NAV2: variants seen among roughly 807,000 people sequenced by gnomAD.
NAV2 encodes helicase, APC down-regulated 1.
Under a neutral mutation model 223.2 loss-of-function variants are expected in NAV2, and 54 were observed. The observed-to-expected ratio is 0.24, with a 90% CI of 0.19 to 0.30. The LOEUF is 0.30. Ranked by LOEUF, NAV2 falls within the 10% of genes least tolerant of loss-of-function variation. The pLI, the probability that NAV2 is intolerant of heterozygous loss-of-function variation, is 1.00. For synonymous variants in NAV2, 1,279 were observed against 1,239.3 expected, an observed-to-expected ratio of 1.03 and a Z score of -0.67; for missense variants, 2,806 against 3,147.5, an observed-to-expected ratio of 0.89 and a Z score of 2.60.
intron 1 of NAV2, among the ~76,000 whole-genome samples, chr11:19,616,338 G>A (rs1299568292): frequency 2.7e-4 from 40 of 145,860 alleles, no homozygotes; most frequent in South Asian, 6.9e-4. Flanking sequence ...GTGTGTGTGC[G>A]CGCGCATGAT....
intron 1 of NAV2, among the ~76,000 whole-genome samples, chr11:19,627,647 A>T (rs928041650): frequency 6.6e-6 from 1 of 152,140 alleles, no homozygotes; most frequent in African/African-American, 2.4e-5. Context: ...CCTTTGCCAC[A>T]GTTACAGTCT....
intron 1 of NAV2, among the ~76,000 whole-genome samples, chr11:19,812,081 A>G (rs1047697767): frequency 1.3e-5 from 2 of 152,168 alleles, no homozygotes; most frequent in African/African-American, 4.8e-5. Flanking sequence ...GAAAAAAGGC[A>G]ATCTCAAGAG....
At chr11:19,891,291 G>A (rs887244386) in intron 5 of NAV2, among the ~76,000 whole-genome samples, 1 of 152,166 alleles carries the variant, frequency 6.6e-6, no homozygotes, top group African/African-American at 2.4e-5. Context: ...ACACAGCTAA[G>A]TGGATTTCAA....
intron 1 of NAV2, among the ~76,000 whole-genome samples, chr11:19,442,172 G>A (rs907541959): frequency 6.6e-6 from 1 of 152,198 alleles, no homozygotes; most frequent in African/African-American, 2.4e-5. Context: ...CCCTGGGGAG[G>A]GGAGACTGTG....
At chr11:19,983,258 A>G (rs2050457184) in intron 10 of NAV2, among the ~76,000 whole-genome samples, 1 of 152,214 alleles carries the variant, frequency 6.6e-6, no homozygotes, top group South Asian at 2.1e-4. Flanking sequence ...CTAAGCTTTC[A>G]GGAACTTGTC....
At position 19,944,830 on chromosome 11, in the gene NAV2, G is replaced by A. The variant is rs186461560; in HGVS notation, c.2147-1571G>A. Reference sequence around the variant, plus strand: ...TCTTTTCTTTCTTCCTTGCTTGCTTGCTTTCTTGCCTTCTTGTCTTTCTGT... The same window carrying A: ...TCTTTTCTTTCTTCCTTGCTTGCTTACTTTCTTGCCTTCTTGTCTTTCTGT... On this transcript the variant is annotated intron_variant, in intron 8 of 37. Coordinates refer to ENST00000349880, the MANE Select transcript of NAV2 (RefSeq NM_145117.5). Among the ~76,000 whole-genome samples, 175 of 138,200 alleles carry A rather than the reference G, an allele frequency of 1.3e-3. 1 individual carries two copies. The highest frequency in any genetic ancestry group is 2.8e-3 in the Admixed American group (37 of 13,006). The allele number at this position is 138,200 out of a possible 152,430, so 90.7% of individuals were successfully genotyped here.
chr11:19,364,377 C>G (rs576635892), intron 1 of NAV2, among the ~76,000 whole-genome samples: 2 of 152,284 alleles, frequency 1.3e-5, no homozygotes, highest in Admixed American at 6.5e-5. Context: ...GCTACCACCC[C>G]AGGAAAGGAA....
chr11:19,494,796 G>A (rs2042740819), intron 1 of NAV2, among the ~76,000 whole-genome samples: 1 of 152,234 alleles, frequency 6.6e-6, no homozygotes, highest in Admixed American at 6.5e-5. Flanking sequence ...GAAGGCTGCT[G>A]AGTGTAGAAT....
At chr11:20,101,641 G>A (rs2061650275) in intron 32 of NAV2, among the ~76,000 whole-genome samples, 1 of 152,200 alleles carries the variant, frequency 6.6e-6, no homozygotes, top group South Asian at 2.1e-4. Flanking sequence ...GAAGGAAACA[G>A]AGGCTTGAAG....
At chr11:20,092,166 C>T (rs1396058389) in intron 27 of NAV2, 40 bp from the exon 28 acceptor site, 1 of 1,591,022 alleles carries the variant, frequency 6.3e-7, no homozygotes, top group Admixed American at 1.7e-5. Flanking sequence ...GTTCACATTA[C>T]TTCTGCCTAC....
chr11:19,908,093 G>A (rs1483252367), intron 6 of NAV2, among the ~76,000 whole-genome samples: 1 of 152,196 alleles, frequency 6.6e-6, no homozygotes, highest in Admixed American at 6.5e-5. Context: ...GCCACTGCTG[G>A]CCGGAAACTG....
chr11:20,045,770 C>T (rs544839117), intron 14 of NAV2, 100 bp downstream of exon 14: 1 of 986,134 alleles, frequency 1.0e-6, no homozygotes, highest in Non-Finnish European at 1.5e-6. Flanking sequence ...TTTTTCTCCA[C>T]TTTAGTCCTC....
chr11:19,472,373 G>A (rs2041989918), intron 1 of NAV2, among the ~76,000 whole-genome samples: 1 of 152,184 alleles, frequency 6.6e-6, no homozygotes, highest in African/African-American at 2.4e-5. Context: ...TGGGGATAGA[G>A]TATTTACCTT....
At chr11:20,064,843 A>G (rs1318008310) in intron 20 of NAV2, among the ~76,000 whole-genome samples, 3 of 152,210 alleles carry the variant, frequency 2.0e-5, no homozygotes, top group Non-Finnish European at 4.4e-5. Flanking sequence ...TCTTCTCACC[A>G]TATGACTTTG....
chr11:19,574,007 T>A (rs2045500207), intron 1 of NAV2, among the ~76,000 whole-genome samples: 1 of 152,242 alleles, frequency 6.6e-6, no homozygotes, highest in Non-Finnish European at 1.5e-5. Flanking sequence ...TCCAGCAACT[T>A]CCCTGGAGAG....
In NAV2 at chr11:19,832,596, T is replaced by A. The variant is rs200128547; in HGVS notation, c.380T>A (p.Val127Asp). Residue 127 changes from valine to aspartate, a missense_variant, in exon 2 of 38, where the codon GTT becomes GAT. Around this residue, in one of 4 missense-constraint regions of NAV2, gnomAD observed 1,167 missense variants for 1,180.5 expected, o/e 0.99. Coordinates refer to ENST00000349880, the MANE Select transcript of NAV2 (RefSeq NM_145117.5). ...GTCCTCCTGGCCCAGATTATCCAGG[T>A]TGTGGGTAAGAGCAGATTTTACCTT... ...DGVLLAQIIQVVANEKIEDIN... is the reference protein window; with the variant it reads ...DGVLLAQIIQDVANEKIEDIN... The A allele has an allele frequency of 1.4e-5, 22 of 1,613,682 alleles. No homozygotes were observed.
intron 1 of NAV2, among the ~76,000 whole-genome samples, chr11:19,488,230 T>C (rs2042510115): frequency 6.6e-6 from 1 of 152,194 alleles, no homozygotes; most frequent in Non-Finnish European, 1.5e-5. Context: ...CCTTAGTAAT[T>C]TTGCTTTTTG....
chr11:19,895,755 G>C (rs762241771), intron 6 of NAV2, among the ~76,000 whole-genome samples: 2 of 152,052 alleles, frequency 1.3e-5, no homozygotes, highest in Non-Finnish European at 2.9e-5. Context: ...ACCATCCTGA[G>C]GTAAAAAGCC....
rs575588767 is a variant in NAV2 at position 19,570,936 on chromosome 11, C to T, written c.75+219909C>T. ...ATGACCCAGGAATTTTACTTCTAGG[C>T]GTACACCAAAAAAGAATTGAGAACA... On this transcript the variant is annotated intron_variant, in intron 1 of 37. Coordinates refer to the NAV2 transcript ENST00000360655. Among the ~76,000 whole-genome samples the T allele has an allele frequency of 4.6e-5, 7 of 152,132 alleles. No homozygotes were observed. In the East Asian group the frequency reaches 9.6e-4, roughly 21 times the overall value.
Sources: gnomAD v4.1 joint callset for allele counts (sites outside exome capture counted in the v4.1 genomes callset) on GRCh38, gnomAD v4.1.1 for gene constraint, gnomAD v4.1.1 regional missense constraint, MANE v1.5 for transcripts, NCBI Gene and HGNC (gene_info 2026-07-23, HGNC 2026-07-21) for gene names.